The following PM20D2 variants were observed in gnomAD, a reference collection of about 807,000 sequenced individuals.
The protein encoded by PM20D2 is peptidase M20 domain containing 2.
In PM20D2, 33 loss-of-function variants were observed where a neutral mutation model predicts 42.9. The ratio of observed to expected loss-of-function variants is 0.77; its 90% CI spans 0.58 to 1.03. PM20D2 has a LOEUF of 1.03. Among genes scored for constraint, PM20D2 ranks in the 50% least tolerant of loss-of-function variants. The pLI is 0.00. For missense variants in PM20D2, 548 were observed against 557.0 expected (o/e 0.98, Z 0.16); for synonymous variants, 250 against 228.2 (o/e 1.10, Z -0.86).
the PM20D2 span, among the ~76,000 whole-genome samples, chr6:89,120,661 C>A: frequency 2.8e-4 from 42 of 151,664 alleles, no homozygotes; most frequent in Admixed American, 2.5e-3. Context: ...GCTAGAAGTT[C>A]GTGACCAGCT....
At chr6:89,112,422 T>C in the PM20D2 span, among the ~76,000 whole-genome samples, 1 of 151,604 alleles carries the variant, frequency 6.6e-6, no homozygotes, top group East Asian at 1.9e-4. Context: ...AATTAATTTC[T>C]TTCTAGTCTC....
the PM20D2 span, chr6:89,095,825 A>G: frequency 6.6e-6 from 1 of 152,234 alleles, no homozygotes; most frequent in East Asian, 1.9e-4. Context: ...AGCCGCTGTC[A>G]TGGCAGTCTC....
intron 2 of PM20D2, among the ~76,000 whole-genome samples, chr6:89,150,784 C>T (rs1319480182): frequency 2.0e-5 from 3 of 151,492 alleles, no homozygotes; most frequent in Non-Finnish European, 2.9e-5. Context: ...AAGTGATTCA[C>T]CCACCTCGGC....
At chr6:89,132,587 T>G in the PM20D2 span, among the ~76,000 whole-genome samples, 1 of 151,284 alleles carries the variant, frequency 6.6e-6, no homozygotes, top group Admixed American at 6.5e-5. Flanking sequence ...GGCTCACACT[T>G]GTAATCCCAA....
chr6:89,094,781 C>CTT, the PM20D2 span, among the ~76,000 whole-genome samples: 2,819 of 138,824 alleles, frequency 0.02, 87 homozygotes, highest in African/African-American at 0.063. Flanking sequence ...TGCTACGCAT[C>CTT]TTTTTTTTTT....
chr6:89,107,296 A>G, the PM20D2 span: 1 of 1,506,646 alleles, frequency 6.6e-7, no homozygotes, highest in Non-Finnish European at 9.2e-7. Context: ...AAATATGAAT[A>G]GCTGGATTAA....
the PM20D2 span, among the ~76,000 whole-genome samples, chr6:89,104,757 T>C: frequency 1.3e-5 from 2 of 152,224 alleles, no homozygotes; most frequent in Non-Finnish European, 2.9e-5. Flanking sequence ...ATAAAAACTT[T>C]AAAATATTTT....
the PM20D2 span, among the ~76,000 whole-genome samples, chr6:89,135,642 G>A: frequency 6.6e-6 from 1 of 151,312 alleles, no homozygotes; most frequent in Non-Finnish European, 1.5e-5. Context: ...CAGATTGTGT[G>A]TAGTACTGCT....
upstream of PM20D2, among the ~76,000 whole-genome samples, chr6:89,141,128 G>A (rs1180221515): frequency 6.6e-6 from 1 of 151,940 alleles, no homozygotes; most frequent in East Asian, 1.9e-4. Context: ...TCCTCTCCAC[G>A]TGTCTAATGC....
chr6:89,111,691 G>C, the PM20D2 span, among the ~76,000 whole-genome samples: 1 of 152,092 alleles, frequency 6.6e-6, no homozygotes, highest in Non-Finnish European at 1.5e-5. Flanking sequence ...GGTTGTGAGT[G>C]GCAATCTTTT....
rs1324356049 is a variant in PM20D2 at position 89,149,374 on chromosome 6, A to G, written c.575A>G (p.Gln192Arg). The change falls in exon 2 of 7, where the codon CAA becomes CGA. Residue 192 changes from glutamine (Q) to arginine (R), a missense_variant. Coordinates refer to ENST00000275072, the MANE Select transcript of PM20D2 (RefSeq NM_001010853.3). Reference protein sequence around the residue: ...LDVVFMAHPSQENAAYLPDMA... With the variant: ...LDVVFMAHPSRENAAYLPDMA... ...GTTGTTTTTATGGCCCACCCATCAC[A>G]AGAGAATGCTGCTTATCTACCAGAT... The G allele has an allele frequency of 1.2e-6, 2 of 1,614,006 alleles. No homozygotes were observed. Among genetic ancestry groups the G allele is most frequent in the Admixed American group, 3.3e-5 (2 of 60,012 alleles).
intron 5 of PM20D2, among the ~76,000 whole-genome samples, chr6:89,159,860 A>G (rs1230899026): frequency 6.6e-6 from 1 of 152,142 alleles, no homozygotes; most frequent in Non-Finnish European, 1.5e-5. Context: ...TCAGCTCAGC[A>G]TGGTTCTGTT....
the PM20D2 span, among the ~76,000 whole-genome samples, chr6:89,132,283 C>G: frequency 2.0e-5 from 3 of 151,906 alleles, no homozygotes; most frequent in African/African-American, 7.3e-5. Context: ...AAGAATGGGC[C>G]GTTCCCTTCC....
the PM20D2 span, among the ~76,000 whole-genome samples, chr6:89,121,765 T>C: frequency 6.6e-6 from 1 of 152,206 alleles, no homozygotes; most frequent in Admixed American, 6.5e-5. Context: ...GAGTTTCATA[T>C]ATTGTTCTTC....
At chr6:89,151,531 A>C (rs1305276962) in intron 2 of PM20D2, among the ~76,000 whole-genome samples, 2 of 152,128 alleles carry the variant, frequency 1.3e-5, no homozygotes, top group Non-Finnish European at 2.9e-5. Flanking sequence ...CCCAACCACA[A>C]ATTTCTAATG....
At chr6:89,122,121 G>A in the PM20D2 span, among the ~76,000 whole-genome samples, 1 of 152,126 alleles carries the variant, frequency 6.6e-6, no homozygotes, top group Non-Finnish European at 1.5e-5. Flanking sequence ...CCTGTCTTTG[G>A]GGAAATTGCT....
At chr6:89,113,937 C>T in the PM20D2 span, among the ~76,000 whole-genome samples, 1 of 152,136 alleles carries the variant, frequency 6.6e-6, no homozygotes, top group Non-Finnish European at 1.5e-5. Flanking sequence ...GCCACTGTGC[C>T]CTATCTTTAA....
chr6:89,098,649 G>C, the PM20D2 span: 4 of 1,613,976 alleles, frequency 2.5e-6, no homozygotes, highest in Non-Finnish European at 3.4e-6. Flanking sequence ...TTTGCTGTTT[G>C]TACTTTAGTT....
Position 89,158,311 on chromosome 6 carries a change from C to A in PM20D2, c.913-14C>A. On this transcript the variant is annotated splice_polypyrimidine_tract_variant and intron_variant, in intron 4 of 6. Transcript: ENST00000275072. The stretch of plus-strand genomic sequence containing the variant: ...GTTTTTTATTTCAAAATTTGTTTTG[C>A]AATTTTTTATTAGGTGGAAATTAAA... The A allele has an allele frequency of 6.4e-7, 1 of 1,559,892 alleles. No individual in the cohort carries two copies. The highest frequency in any genetic ancestry group is 8.6e-7 in the Non-Finnish European group (1 of 1,159,274).
Sources: allele counts gnomAD v4.1 joint callset (sites outside exome capture counted in the v4.1 genomes callset), GRCh38; gene constraint gnomAD v4.1.1; transcripts MANE v1.5; gene names NCBI Gene and HGNC (gene_info 2026-07-23, HGNC 2026-07-21).